Variants in NUMBL observed in about 807,000 individuals in gnomAD.
NUMBL encodes numb-like protein.
In NUMBL, 20 loss-of-function variants were observed where a neutral mutation model predicts 48.9. That is an observed-to-expected ratio of 0.41 (90% CI 0.29 to 0.59). The LOEUF (loss-of-function observed/expected upper bound fraction) is 0.59. NUMBL is among the 20% of genes least tolerant of loss of function. The pLI is 0.31. For missense variants in NUMBL, 660 were observed against 846.2 expected (o/e 0.78, Z 2.73); for synonymous variants, 340 against 348.7 (o/e 0.98, Z 0.28).
intron 3 of NUMBL, among the ~76,000 whole-genome samples, chr19:40,683,936 C>T (rs1387456978): frequency 6.6e-6 from 1 of 151,834 alleles, no homozygotes; most frequent in African/African-American, 2.4e-5. Flanking sequence ...TGCCACTGTG[C>T]CTATTTTTTG....
At position 40,684,458 on chromosome 19, in the gene NUMBL, C is replaced by G. The variant is rs2081923404; in HGVS notation, c.208G>C (p.Glu70Gln). ...CACGTGCCCTTCCGCACCGCGTCCT[C>G]GTCTGCCTGCCACTGGTGCGGGCGC... ...ASRPHQWQAD[E>Q]DAVRKGTCSF... is the part of the protein sequence containing the mutation. The change falls in exon 3 of 10, where the codon GAG (glutamate) becomes CAG (glutamine). Residue 70 changes from glutamate (E) to glutamine (Q), a missense_variant. Around this residue, in one of 3 missense-constraint regions of NUMBL, gnomAD observed 278 missense variants for 420.6 expected, o/e 0.66. Transcript: ENST00000252891. 2 of 1,584,396 alleles carry G rather than the reference C, an allele frequency of 1.3e-6. No individual in the cohort carries two copies. The highest frequency in any genetic ancestry group is 1.8e-5 in the Admixed American group (1 of 55,770).
intron 2 of NUMBL, chr19:40,685,887 G>A (rs551758098): frequency 6.5e-6 from 1 of 153,138 alleles, no homozygotes; most frequent in South Asian, 2.1e-4. Flanking sequence ...TTGCACAGAG[G>A]GTGTATCTGT....
At position 40,684,437 on chromosome 19, in the gene NUMBL, T is replaced by C; in HGVS notation, c.229A>G (p.Thr77Ala). The C allele has an allele frequency of 1.9e-6, 3 of 1,573,704 alleles. No homozygotes were observed. The highest frequency in any genetic ancestry group is 2.6e-6 in the Non-Finnish European group (3 of 1,163,128). The change falls in exon 3 of 10, where the codon ACG (threonine) becomes GCG (alanine). Residue 77 changes from threonine (T) to alanine (A), a missense_variant. By Grantham distance (58) the Thr-to-Ala change is moderately conservative. This residue lies in a region of NUMBL where 278 missense variants were observed against 420.6 expected (regional missense o/e 0.66). Transcript: ENST00000252891. ...CTCACCCTGACCGGGAAGCTGCACG[T>C]GCCCTTCCGCACCGCGTCCTCGTCT... Reference protein sequence around the residue: ...QADEDAVRKGTCSFPVRYLGH... With the variant: ...QADEDAVRKGACSFPVRYLGH...
At position 40,688,497 on chromosome 19, in the gene NUMBL, A is replaced by G. The variant is rs2081945542; in HGVS notation, c.25-1502T>C. On this transcript the variant is annotated intron_variant, in intron 1 of 9. Transcript: ENST00000252891. This position sits in a 1 kb window ranked among gnomAD's most constrained non-coding sequence, Gnocchi z 4.6. Reference sequence around the variant, plus strand: ...CACAGGTCCTGACGGAGCCATGTGCACAGTCAGGGGCCAATCTCATCACCA... The same window carrying G: ...CACAGGTCCTGACGGAGCCATGTGCGCAGTCAGGGGCCAATCTCATCACCA... Among the ~76,000 whole-genome samples the G allele has an allele frequency of 6.6e-6, 1 of 152,210 alleles. No individual in the cohort carries two copies. Among genetic ancestry groups the G allele is most frequent in the Non-Finnish European group, 1.5e-5 (1 of 68,044 alleles).
rs1260674441 is a variant in NUMBL, at chr19:40,677,217, TG to T, written c.730+14del. ...GCCCACTCTGTGCTCTGCTGGCGCT[TG>T]GGGCAACACCCACCTTTCTTCTTGT... On this transcript the variant is annotated intron_variant, in intron 7 of 9. Transcript: ENST00000252891. The T allele has an allele frequency of 6.4e-7, 1 of 1,550,466 alleles. No homozygotes were observed. Among genetic ancestry groups the T allele is most frequent in the African/African-American group, 1.4e-5 (1 of 73,094 alleles).
intron 8 of NUMBL, among the ~76,000 whole-genome samples, chr19:40,670,805 G>A (rs1310892569): frequency 6.6e-6 from 1 of 152,070 alleles, no homozygotes; most frequent in Non-Finnish European, 1.5e-5. Context: ...CTGGGGTCCG[G>A]GTGTGTGGCG....
Position 40,688,183 on chromosome 19 carries a change from C to T in NUMBL, c.25-1188G>A, listed in dbSNP as rs552117009. Among the ~76,000 whole-genome samples, 8 of 152,308 alleles carry T rather than the reference C, an allele frequency of 5.3e-5. No individual in the cohort carries two copies. The highest frequency in any genetic ancestry group is 2.6e-4 in the Admixed American group (4 of 15,300). On this transcript the variant is annotated intron_variant, in intron 1 of 9. Coordinates refer to ENST00000252891, the MANE Select transcript of NUMBL (RefSeq NM_004756.5). This position sits in a 1 kb window ranked among gnomAD's most constrained non-coding sequence, Gnocchi z 4.6. ...CAGCCACCTATCATGGTCATAATCC[C>T]GTCACCCAGTGTCCATACACAGCTG...
intron 6 of NUMBL, 27 bp downstream of exon 6, chr19:40,680,890 G>A (rs1249726391): frequency 1.2e-6 from 2 of 1,613,794 alleles, no homozygotes; most frequent in Admixed American, 1.7e-5. Context: ...TGGGAGGGAA[G>A]AGTTGGCCAG....
rs767972962 is a variant in NUMBL at position 40,681,065 on chromosome 19, G to A, written c.400-8C>T. On this transcript the variant is annotated splice_polypyrimidine_tract_variant and splice_region_variant and intron_variant, in intron 5 of 9. Coordinates refer to ENST00000252891, the MANE Select transcript of NUMBL (RefSeq NM_004756.5). ...CTGGTCGACCAGAAGATCCTAGGAG[G>A]GGCCGGGGAGGCCAGGAGAAGAGTG... The A allele has an allele frequency of 6.2e-7, 1 of 1,613,848 alleles. No individual in the cohort carries two copies. Among genetic ancestry groups the A allele is most frequent in the Non-Finnish European group, 8.5e-7 (1 of 1,179,840 alleles).
Position 40,686,657 on chromosome 19 carries a change from CTGTG to C in NUMBL, c.109+250_109+253del, listed in dbSNP as rs147355867. Among the ~76,000 whole-genome samples the C allele has an allele frequency of 7.7e-3, 1,153 of 150,206 alleles. 15 individuals are homozygous for C. Among genetic ancestry groups the C allele is most frequent in the African/African-American group, 0.027 (1,113 of 40,688 alleles). On this transcript the variant is annotated intron_variant, in intron 2 of 9. Transcript: ENST00000252891. ...CAAGTGTGTGTGATCTGAAAGAGATCTGTGTGTGTGTGTGTGTCTCTAACCGTAT... is the reference window on the plus strand; with the variant it reads ...CAAGTGTGTGTGATCTGAAAGAGATCTGTGTGTGTGTGTCTCTAACCGTAT...
rs535473738 is a variant in NUMBL, at chr19:40,684,497, C to T, written c.169G>A (p.Val57Met). Reference protein sequence around the residue: ...QSLRRRKPAYVPEASRPHQWQ... With the variant: ...QSLRRRKPAYMPEASRPHQWQ... ...TGGTGCGGGCGCGACGCCTCGGGCA[C>T]GTAGGCTGGCTTCCTCCGCCGCAGG... The change falls in exon 3 of 10, where the codon GTG (valine) becomes ATG (methionine). Residue 57 changes from valine to methionine, a missense_variant. Val to Met is a conservative substitution (Grantham distance 21). Transcript: ENST00000252891. The T allele has an allele frequency of 1.6e-5, 25 of 1,602,226 alleles. No homozygotes were observed. In the East Asian group the frequency reaches 4.0e-4, roughly 26 times the overall value.
chr19:40,689,287 C>T (rs891665317), intron 1 of NUMBL, among the ~76,000 whole-genome samples: 1 of 152,100 alleles, frequency 6.6e-6, no homozygotes, highest in African/African-American at 2.4e-5. Flanking sequence ...ACAGTCACAA[C>T]CATGCACACC....
chr19:40,677,245 C>G lies in NUMBL; in HGVS notation c.717G>C (p.Pro239=). The change falls in exon 7 of 10, where the codon CCG becomes CCC. Residue 239 remains proline, a synonymous_variant. Transcript: ENST00000252891. The part of the protein sequence containing the change: ...GGGRPAEREA[P]DKKKAEAAAA... Reference sequence around the variant, plus strand: ...GGCAACACCCACCTTTCTTCTTGTCCGGGGCCTCTCGCTCAGCAGGCCGCC... The same window carrying G: ...GGCAACACCCACCTTTCTTCTTGTCGGGGGCCTCTCGCTCAGCAGGCCGCC... 1 of 1,564,062 alleles carries G rather than the reference C, an allele frequency of 6.4e-7. No individual in the cohort carries two copies. Among genetic ancestry groups the G allele is most frequent in the Non-Finnish European group, 8.7e-7 (1 of 1,155,118 alleles).
rs143745647 is a variant in NUMBL at position 40,670,395 on chromosome 19, G to A, written c.1037-375C>T. 3.1e-4 allele frequency among the ~76,000 whole-genome samples: 47 copies of A among 152,300 alleles called. 2 individuals are homozygous for A. The East Asian group carries it at 8.9e-3, about 29-fold the overall frequency. ...AGTCTGAATGGGCTGTGGCATGGCCGCTCACTGGCTGGGGATCATTTGTCC... is the reference window on the plus strand; with the variant it reads ...AGTCTGAATGGGCTGTGGCATGGCCACTCACTGGCTGGGGATCATTTGTCC... On this transcript the variant is annotated intron_variant, in intron 8 of 9. Transcript: ENST00000252891.
intron 7 of NUMBL, among the ~76,000 whole-genome samples, chr19:40,675,887 G>A (rs1411719958): frequency 6.6e-6 from 1 of 150,730 alleles, no homozygotes; most frequent in African/African-American, 2.4e-5. Flanking sequence ...TTTGAGACAG[G>A]GTCTCACTCT....
At chr19:40,678,013 T>C (rs1053363641) in intron 6 of NUMBL, among the ~76,000 whole-genome samples, 6 of 152,138 alleles carry the variant, frequency 3.9e-5, no homozygotes, top group African/African-American at 1.4e-4. Flanking sequence ...GGCTTGTGCA[T>C]TGCTATAGAC....
chr19:40,676,709 A>T (rs2081878037), intron 7 of NUMBL, among the ~76,000 whole-genome samples: 1 of 151,902 alleles, frequency 6.6e-6, no homozygotes, highest in East Asian at 1.9e-4. Context: ...AAAAAAAACA[A>T]ACAAAAAAAG....
At position 40,673,195 on chromosome 19, in the gene NUMBL, C is replaced by T. The variant is rs915124561; in HGVS notation, c.1036+149G>A. On this transcript the variant is annotated intron_variant, in intron 8 of 9. Transcript: ENST00000252891. The surrounding 1 kb of genome is among the most constrained non-coding windows in gnomAD (Gnocchi z 5.9). ...TTCCTCTCCCTTGCCCACTGCTAAT[C>T]GATCATGACATGTTCCCACTCTCTC... 2.4e-6 allele frequency: 2 copies of T among 844,324 alleles called. No homozygotes were observed. The highest frequency in any genetic ancestry group is 1.9e-5 in the South Asian group (1 of 52,788). 52.3% of individuals were successfully genotyped at this position (844,324 alleles called of 1,614,324 possible).
chr19:40,677,164 C>A (rs1407302386), intron 7 of NUMBL, 68 bp downstream of exon 7: 1 of 1,497,020 alleles, frequency 6.7e-7, no homozygotes, highest in Non-Finnish European at 9.0e-7. Context: ...CTCTGCAGCT[C>A]CCTGCCCCCT....
Sources: gnomAD v4.1 joint callset for allele counts (sites outside exome capture counted in the v4.1 genomes callset) on GRCh38, gnomAD v4.1.1 for gene constraint, gnomAD v4.1.1 regional missense constraint, Gnocchi (gnomAD v3.1) non-coding constraint, MANE v1.5 for transcripts, NCBI Gene and HGNC (gene_info 2026-07-23, HGNC 2026-07-21) for gene names.